The following UNC5B variants were observed in gnomAD, a reference collection of about 807,000 sequenced individuals.
UNC5B encodes netrin receptor UNC5B.
A neutral mutation model predicts 103.7 loss-of-function variants in UNC5B; 56 were observed. The ratio of observed to expected loss-of-function variants is 0.54; its 90% confidence interval spans 0.44 to 0.67. UNC5B has a LOEUF of 0.67. UNC5B is among the 30% of genes least tolerant of loss of function. The pLI, the probability that UNC5B is intolerant of heterozygous loss-of-function variation, is 0.00. For synonymous variants in UNC5B, 577 were observed against 542.0 expected (o/e 1.06, Z -0.90); for missense variants, 1,194 against 1,284.5 (o/e 0.93, Z 1.08).
At chr10:71,253,383 C>T (rs897075836) in intron 1 of UNC5B, among the ~76,000 whole-genome samples, 1 of 152,246 alleles carries the variant, frequency 6.6e-6, no homozygotes, top group Admixed American at 6.5e-5. Context: ...ACACCATGCC[C>T]AAGGAGGAGC....
chr10:71,240,347 A>G (rs75923857), intron 1 of UNC5B, among the ~76,000 whole-genome samples: 10,744 of 152,306 alleles, frequency 0.071, 484 homozygotes, highest in East Asian at 0.12. Flanking sequence ...TCCTCTTCTC[A>G]TGTAACCTCT....
rs773202627 is a variant in UNC5B, at chr10:71,295,804, C to A, written c.2176-7C>A. 1 of 1,611,206 alleles carries A rather than the reference C, an allele frequency of 6.2e-7. No individual in the cohort carries two copies. Among genetic ancestry groups the A allele is most frequent in the South Asian group, 1.1e-5 (1 of 90,816 alleles). On this transcript the variant is annotated splice_polypyrimidine_tract_variant and splice_region_variant and intron_variant, in intron 13 of 16. Transcript: ENST00000335350. ...GGGTTCCCCTTCCCCATGCCCCTGG[C>A]CCACAGGAGGTGCTGGAGCTGGAGC... is the stretch of plus-strand genomic sequence containing the variant.
At chr10:71,291,215 T>C (rs2132310529) in intron 9 of UNC5B, 106 bp downstream of exon 9, 2 of 1,438,424 alleles carry the variant, frequency 1.4e-6, no homozygotes, top group African/African-American at 1.4e-5. Flanking sequence ...CCAGGGTTTT[T>C]CCAGAGTTTG....
intron 1 of UNC5B, among the ~76,000 whole-genome samples, chr10:71,258,906 G>GC (rs1262587398): frequency 4.6e-5 from 7 of 152,382 alleles, no homozygotes; most frequent in African/African-American, 1.7e-4. Flanking sequence ...CCAGTGGCCA[G>GC]CCAGGTACTG....
intron 6 of UNC5B, 91 bp downstream of exon 6, chr10:71,287,856 A>G (rs1434441545): frequency 1.5e-5 from 23 of 1,495,416 alleles, no homozygotes; most frequent in Non-Finnish European, 2.0e-5. Context: ...TTCTCTCCCC[A>G]GCATGGGGAG....
rs1380781384 is a variant in UNC5B at position 71,293,398 on chromosome 10, C to A, written c.1773-7C>A. 2 of 1,610,358 alleles carry A rather than the reference C, an allele frequency of 1.2e-6. No individual in the cohort carries two copies. Among genetic ancestry groups the A allele is most frequent in the South Asian group, 1.1e-5 (1 of 90,542 alleles). ...CTGCCTCTCTCCTACCCTGTGTCCT[C>A]CTCCAGCCCGCTTTCAGAAGGGACC... On this transcript the variant is annotated splice_polypyrimidine_tract_variant and splice_region_variant and intron_variant, in intron 11 of 16. Transcript: ENST00000335350.
Position 71,293,454 on chromosome 10 carries a change from G to A in UNC5B, c.1822G>A (p.Gly608Arg), listed in dbSNP as rs1404037685. ...QTVLSPSVTC[G>R]PTGLLLCRPV... ...AGTATTGAGCCCCTCGGTGACCTGTGGACCCACAGGCCTCCTGCTGTGCCG... is the reference window on the plus strand; with the variant it reads ...AGTATTGAGCCCCTCGGTGACCTGTAGACCCACAGGCCTCCTGCTGTGCCG... The change falls in exon 12 of 17, where the codon GGA (glycine) becomes AGA (arginine). Residue 608 changes from glycine (G) to arginine (R), a missense_variant. Coordinates refer to ENST00000335350, the MANE Select transcript of UNC5B (RefSeq NM_170744.5). 3 of 1,614,080 alleles carry A rather than the reference G, an allele frequency of 1.9e-6. No homozygotes were observed. The highest frequency in any genetic ancestry group is 2.5e-6 in the Non-Finnish European group (3 of 1,179,994).
chr10:71,281,410 G>A (rs7903483), intron 2 of UNC5B, among the ~76,000 whole-genome samples: 36,111 of 150,962 alleles, frequency 0.24, 5,284 homozygotes, highest in African/African-American at 0.41. Flanking sequence ...GCGCAATCTC[G>A]GCTCACTGCA....
chr10:71,244,884 C>T (rs896790368), intron 1 of UNC5B, among the ~76,000 whole-genome samples: 3 of 152,222 alleles, frequency 2.0e-5, no homozygotes, highest in Admixed American at 6.5e-5. Context: ...CTCCAGCTCC[C>T]GCTGGCCCTC....
chr10:71,265,940 G>A (rs1177097857), intron 1 of UNC5B, among the ~76,000 whole-genome samples: 1 of 152,120 alleles, frequency 6.6e-6, no homozygotes, highest in South Asian at 2.1e-4. Context: ...GGTGGGAACG[G>A]TGAAGGTGCA....
intron 1 of UNC5B, among the ~76,000 whole-genome samples, chr10:71,238,688 C>T (rs1843824931): frequency 6.6e-6 from 1 of 152,168 alleles, no homozygotes; most frequent in Non-Finnish European, 1.5e-5. Flanking sequence ...CTCCTGACCT[C>T]AGGTGATCTG....
At chr10:71,215,022 T>A (rs1387981055) in intron 1 of UNC5B, among the ~76,000 whole-genome samples, 2 of 152,216 alleles carry the variant, frequency 1.3e-5, no homozygotes, top group African/African-American at 4.8e-5. Flanking sequence ...GGGGTCGGCC[T>A]GCAGCCTTCT....
In UNC5B at chr10:71,287,607, G is replaced by A. The variant is rs144196396; in HGVS notation, c.743G>A (p.Gly248Asp). ...AGCTGCCGCCTTGCAGTGAATGGCGGCTGGTCCAGCTGGGCAGAGTGGTCA... is the reference window on the plus strand; with the variant it reads ...AGCTGCCGCCTTGCAGTGAATGGCGACTGGTCCAGCTGGGCAGAGTGGTCA... ...TATVIVYVNG[G>D]WSSWAEWSPC... The change falls in exon 6 of 17, where the codon GGC (glycine) becomes GAC (aspartate). Residue 248 changes from glycine to aspartate, a missense_variant. Physicochemically the swap from Gly to Asp is moderately conservative, Grantham distance 94. Transcript: ENST00000335350. 1 of 1,596,728 alleles carries A rather than the reference G, an allele frequency of 6.3e-7. No individual in the cohort carries two copies. Among genetic ancestry groups the A allele is most frequent in the South Asian group, 1.1e-5 (1 of 89,766 alleles).
chr10:71,292,690 A>G (rs1564513694), intron 11 of UNC5B, 136 bp downstream of exon 11: 1 of 738,440 alleles, frequency 1.4e-6, no homozygotes, highest in Non-Finnish European at 2.1e-6. Context: ...CTGTGTCCAT[A>G]TTGAAAACTT....
rs928379681 is a variant in UNC5B, at chr10:71,288,635, C to T, written c.969C>T (p.Ser323=). 6.2e-7 allele frequency: 1 copy of T among 1,614,030 alleles called. No homozygotes were observed. The highest frequency in any genetic ancestry group is 2.2e-5 in the East Asian group (1 of 44,878). The change falls in exon 7 of 17, where the codon AGC becomes AGT. Residue 323 remains serine (S), a synonymous_variant. Transcript: ENST00000335350. ...GCACTGAGTGTGCCCACTGGCGTAG[C>T]CGCGAGTGCATGGCGCCCCCACCCC... ...ACSTECAHWR[S]RECMAPPPQN...
intron 14 of UNC5B, 120 bp downstream of exon 14, chr10:71,296,080 T>G: frequency 7.2e-7 from 1 of 1,397,116 alleles, no homozygotes; most frequent in Non-Finnish European, 9.7e-7. Context: ...CCTGGATCTC[T>G]CACTGTCTCT....
intron 1 of UNC5B, among the ~76,000 whole-genome samples, chr10:71,246,597 G>A (rs1029397874): frequency 2.0e-5 from 3 of 152,176 alleles, no homozygotes; most frequent in Non-Finnish European, 2.9e-5. Context: ...AGGGAAGTGA[G>A]GGAGGGAGGG....
Position 71,291,520 on chromosome 10 carries a change from C to T in UNC5B, c.1383C>T (p.Asp461=). 1 of 1,614,172 alleles carries T rather than the reference C, an allele frequency of 6.2e-7. No individual in the cohort carries two copies. Among genetic ancestry groups the T allele is most frequent in the African/African-American group, 1.3e-5 (1 of 75,058 alleles). The change falls in exon 10 of 17, where the codon GAC becomes GAT. Residue 461 remains aspartate (D), a synonymous_variant. Coordinates refer to ENST00000335350, the MANE Select transcript of UNC5B (RefSeq NM_170744.5). The part of the protein sequence containing the change: ...IYRGPVYALQ[D]STDKIPMTNS... ...GCGGACCCGTGTATGCCCTGCAGGA[C>T]TCCACCGACAAAATCCCCATGACCA...
intron 11 of UNC5B, 81 bp downstream of exon 11, chr10:71,292,635 C>T: frequency 2.4e-6 from 3 of 1,266,608 alleles, no homozygotes; most frequent in Non-Finnish European, 3.4e-6. Flanking sequence ...CCTTCTAAGC[C>T]TGATGCCAAG....
Sources: allele counts gnomAD v4.1 joint callset (sites outside exome capture counted in the v4.1 genomes callset), GRCh38; gene constraint gnomAD v4.1.1; transcripts MANE v1.5; gene names NCBI Gene and HGNC (gene_info 2026-07-23, HGNC 2026-07-21).